ANKS1B: variants seen among roughly 807,000 people sequenced by gnomAD.
The protein encoded by ANKS1B is ankyrin repeat and sterile alpha motif domain containing 1B.
A neutral mutation model predicts 148.3 loss-of-function variants in ANKS1B; 36 were observed. That is an observed-to-expected ratio of 0.24 (90% CI 0.19 to 0.32). The LOEUF (loss-of-function observed/expected upper bound fraction) is 0.32. Ranked by LOEUF, ANKS1B falls within the 10% of genes least tolerant of loss-of-function variation. ANKS1B has a pLI of 1.00. For missense variants in ANKS1B, 1,157 were observed against 1,542.6 expected, an observed-to-expected ratio of 0.75 and a Z score of 4.19; for synonymous variants, 542 against 560.8, an observed-to-expected ratio of 0.97 and a Z score of 0.47.
intron 12 of ANKS1B, among the ~76,000 whole-genome samples, chr12:99,328,554 G>A (rs971702818): frequency 1.3e-5 from 2 of 151,942 alleles, no homozygotes; most frequent in African/African-American, 2.4e-5. Context: ...CTTAGATTTA[G>A]TATTGCTGTG....
chr12:99,825,183 T>C (rs2083032367), intron 2 of ANKS1B, 126 bp downstream of exon 2: 2 of 719,534 alleles, frequency 2.8e-6, no homozygotes, highest in African/African-American at 3.6e-5. Flanking sequence ...TGTCACCTGG[T>C]CCCTTTCCAA....
At position 98,829,343 on chromosome 12, in the gene ANKS1B, C is replaced by T; in HGVS notation, c.2897G>A (p.Gly966Asp). The change falls in exon 19 of 27, where the codon GGT becomes GAT. Residue 966 changes from glycine to aspartate, a missense_variant. Gly to Asp is a moderately conservative substitution (Grantham distance 94). This residue lies in a region of ANKS1B where 258 missense variants were observed against 497.0 expected (regional missense o/e 0.52). Coordinates refer to ENST00000683438, the MANE Select transcript of ANKS1B (RefSeq NM_001352186.2). The surrounding 1 kb of genome is among the most constrained non-coding windows in gnomAD (Gnocchi z 5.2). ...AGACAACTGAGGAGGAGTGTGATTACCACTGGGTTCCTGAATGGAAATACA... is the reference window on the plus strand; with the variant it reads ...AGACAACTGAGGAGGAGTGTGATTATCACTGGGTTCCTGAATGGAAATACA... ...PRSITLREPS[G>D]NHTPPQLSPS... 1 of 1,613,298 alleles carries T rather than the reference C, an allele frequency of 6.2e-7. No individual in the cohort carries two copies. Among genetic ancestry groups the T allele is most frequent in the African/African-American group, 1.3e-5 (1 of 74,996 alleles).
At chr12:99,018,682 A>G (rs1024514989) in intron 17 of ANKS1B, among the ~76,000 whole-genome samples, 9 of 152,138 alleles carry the variant, frequency 5.9e-5, no homozygotes, top group African/African-American at 2.2e-4. Flanking sequence ...AGTGCCTCAC[A>G]CCTGTAATCC....
chr12:98,917,589 T>A (rs1360739667), intron 17 of ANKS1B, among the ~76,000 whole-genome samples: 2 of 152,248 alleles, frequency 1.3e-5, no homozygotes, highest in African/African-American at 4.8e-5. Context: ...GAGAAGGCTT[T>A]TGCTTTGCTT....
At chr12:99,107,836 A>C (rs2059543742) in intron 15 of ANKS1B, among the ~76,000 whole-genome samples, 1 of 152,234 alleles carries the variant, frequency 6.6e-6, no homozygotes, top group Non-Finnish European at 1.5e-5. Flanking sequence ...TGAGTAGATA[A>C]CTAACACAGA....
At chr12:99,004,251 C>T (rs1598333744) in intron 17 of ANKS1B, among the ~76,000 whole-genome samples, 2 of 152,214 alleles carry the variant, frequency 1.3e-5, no homozygotes, top group Middle Eastern at 3.4e-3. Flanking sequence ...GTACATAGGG[C>T]TTTCTGTTCT....
chr12:99,273,079 A>AT lies in ANKS1B; in HGVS notation c.1757-26216dup, dbSNP rs2077230097. Among the ~76,000 whole-genome samples the AT allele has an allele frequency of 2.0e-5, 3 of 152,324 alleles. No individual in the cohort carries two copies. In the South Asian group the frequency reaches 6.2e-4, roughly 32 times the overall value. ...TTGAGCAAGTTACTGGTCTGTAGAC[A>AT]TTCTGAAATCCAGTTGGGTGCAGAT... On this transcript the variant is annotated intron_variant, in intron 12 of 26. Transcript: ENST00000683438.
At chr12:99,865,779 T>C (rs769905003) in intron 1 of ANKS1B, among the ~76,000 whole-genome samples, 40 of 152,184 alleles carry the variant, frequency 2.6e-4, no homozygotes, top group Non-Finnish European at 5.6e-4. Flanking sequence ...AAATTTTACT[T>C]AAACCTATGC....
intron 9 of ANKS1B, among the ~76,000 whole-genome samples, chr12:99,604,828 A>AG (rs1444481271): frequency 1.3e-4 from 19 of 151,328 alleles, no homozygotes; most frequent in South Asian, 2.1e-4. Context: ...AAAAAAAAAA[A>AG]AAAAGAAAAG....
chr12:99,964,653 G>A (rs2095462103), intron 1 of ANKS1B, among the ~76,000 whole-genome samples: 1 of 152,158 alleles, frequency 6.6e-6, no homozygotes, highest in Non-Finnish European at 1.5e-5. Flanking sequence ...GATGGCAGAG[G>A]GGAACACCCC....
intron 22 of ANKS1B, among the ~76,000 whole-genome samples, chr12:98,796,142 T>C (rs2098947229): frequency 6.6e-6 from 1 of 152,210 alleles, no homozygotes; most frequent in African/African-American, 2.4e-5. Flanking sequence ...TCCACTGGAT[T>C]GTGAACTCGG....
intron 9 of ANKS1B, among the ~76,000 whole-genome samples, chr12:99,643,202 C>T (rs1598694037): frequency 6.6e-6 from 1 of 152,130 alleles, no homozygotes; most frequent in Admixed American, 6.5e-5. Flanking sequence ...GCCATCTCAA[C>T]GTCCCATAAA....
At chr12:99,715,807 T>G (rs2057245345) in intron 8 of ANKS1B, among the ~76,000 whole-genome samples, 1 of 152,162 alleles carries the variant, frequency 6.6e-6, no homozygotes. Context: ...CCACTTTCTC[T>G]TTTCAATCTT....
At chr12:99,348,074 A>G (rs1218850521) in intron 12 of ANKS1B, among the ~76,000 whole-genome samples, 2 of 152,040 alleles carry the variant, frequency 1.3e-5, no homozygotes, top group Non-Finnish European at 2.9e-5. Context: ...GAAGGTTTCT[A>G]CAGCACTTTT....
chr12:98,768,169 C>T (rs2098511106), intron 25 of ANKS1B, among the ~76,000 whole-genome samples: 1 of 152,100 alleles, frequency 6.6e-6, no homozygotes, highest in African/African-American at 2.4e-5. Flanking sequence ...TCAGCTATGA[C>T]AACAACGAGA....
chr12:99,883,935 T>G (rs1406716053), intron 1 of ANKS1B, among the ~76,000 whole-genome samples: 1 of 151,910 alleles, frequency 6.6e-6, no homozygotes, highest in Non-Finnish European at 1.5e-5. Context: ...GCAAATCATA[T>G]ATCAAACAAA....
intron 9 of ANKS1B, among the ~76,000 whole-genome samples, chr12:99,572,108 C>G (rs999464445): frequency 6.6e-6 from 1 of 151,820 alleles, no homozygotes; most frequent in Non-Finnish European, 1.5e-5. Flanking sequence ...GCTCTATGAC[C>G]CTGGGCACTT....
chr12:99,060,237 A>T (rs1347875586), intron 16 of ANKS1B, among the ~76,000 whole-genome samples: 1 of 151,788 alleles, frequency 6.6e-6, no homozygotes, highest in East Asian at 1.9e-4. Flanking sequence ...TTCTTGTTCC[A>T]CCCAAATGAC....
intron 10 of ANKS1B, among the ~76,000 whole-genome samples, chr12:99,503,630 C>A (rs192447332): frequency 2.0e-4 from 30 of 152,278 alleles, no homozygotes; most frequent in Admixed American, 1.2e-3. Flanking sequence ...TTGAAAGAGT[C>A]ATCCGTACTC....
Sources: allele counts gnomAD v4.1 joint callset (sites outside exome capture counted in the v4.1 genomes callset), GRCh38; gene constraint gnomAD v4.1.1; regional missense constraint gnomAD v4.1.1; non-coding constraint Gnocchi (gnomAD v3.1); transcripts MANE v1.5; gene names NCBI Gene and HGNC (gene_info 2026-07-23, HGNC 2026-07-21).